CYBB: variants seen among roughly 807,000 people sequenced by gnomAD.
CYBB encodes cytochrome b-245 beta chain, also known as NADPH oxidase 2.
CYBB carries 5 observed loss-of-function variants against 46.5 expected under a neutral mutation model. The ratio of observed to expected loss-of-function variants is 0.11; its 90% CI spans 0.06 to 0.23. The LOEUF is 0.23. CYBB is among the 10% of genes least tolerant of loss of function. The probability of loss-of-function intolerance (pLI) is 1.00; values close to 1 mark genes in which losing one functional copy is unlikely to be tolerated. For missense variants in CYBB, 307 were observed against 428.3 expected (o/e 0.72, Z 2.50); for synonymous variants, 183 against 156.7 (o/e 1.17, Z -1.26).
At chrX:37,803,032 C>T (rs903139829) in intron 8 of CYBB, among the ~76,000 whole-genome samples, 16 of 111,635 alleles carry the variant, frequency 1.4e-4, no homozygotes, top group South Asian at 3.7e-4. Context: ...CTGTTATAAA[C>T]GTGTGTACGT....
intron 3 of CYBB, among the ~76,000 whole-genome samples, chrX:37,789,008 C>T (rs1218774669): frequency 9.0e-6 from 1 of 111,302 alleles, no homozygotes; most frequent in Non-Finnish European, 1.9e-5. Flanking sequence ...AAACCCTCTT[C>T]CAAGCTCATT....
rs782610130 is a variant in CYBB, at chrX:37,801,268, A to G, written c.817A>G (p.Ile273Val). 5.0e-6 allele frequency: 6 copies of G among 1,202,485 alleles called. No homozygotes were observed. The Admixed American group carries it at 1.3e-4, about 26-fold the overall frequency. ...AGNPPMTWKW[I>V]VGPMFLYLCE... ...GCTCTGATTACAGACTTGGAAATGGATAGTGGGTCCCATGTTTCTGTATCT... is the reference window on the plus strand; with the variant it reads ...GCTCTGATTACAGACTTGGAAATGGGTAGTGGGTCCCATGTTTCTGTATCT... Residue 273 changes from isoleucine to valine, a missense_variant, in exon 8 of 13, where the codon ATA becomes GTA. Coordinates refer to ENST00000378588, the MANE Select transcript of CYBB (RefSeq NM_000397.4).
rs190579297 is a variant in CYBB, at chrX:37,794,954, A to T, written c.484-997A>T. ...AATTAAACAGCATCATAAAAAACAG[A>T]TTTTTTCTACAATATATTGGGTAAT... On this transcript the variant is annotated intron_variant, in intron 5 of 12. Coordinates refer to ENST00000378588, the MANE Select transcript of CYBB (RefSeq NM_000397.4). 1.6e-3 allele frequency among the ~76,000 whole-genome samples: 175 copies of T among 111,647 alleles called. 1 individual carries two copies. Among genetic ancestry groups the T allele is most frequent in the African/African-American group, 5.3e-3 (164 of 30,749 alleles).
At position 37,806,606 on chromosome X, in the gene CYBB, G is replaced by A. The variant is rs1311731602; in HGVS notation, c.1461+73G>A. 10 of 968,998 alleles carry A rather than the reference G, an allele frequency of 1.0e-5. No homozygotes were observed. In the African/African-American group the frequency reaches 1.1e-4, roughly 11 times the overall value. 79.9% of individuals were successfully genotyped at this position (968,998 alleles called of 1,213,427 possible). ...CTTACGAACTTCCCCTTGGTTATTG[G>A]TGTGTCTTGTGTACTATTTTTTCTA... On this transcript the variant is annotated intron_variant, in intron 11 of 12. Coordinates refer to ENST00000378588, the MANE Select transcript of CYBB (RefSeq NM_000397.4).
intron 2 of CYBB, among the ~76,000 whole-genome samples, chrX:37,783,036 A>G (rs1437386054): frequency 2.7e-5 from 3 of 111,309 alleles, no homozygotes; most frequent in African/African-American, 3.3e-5. Context: ...AAAATCTTTA[A>G]AAGTCTTGAT....
chrX:37,796,137 G>A lies in CYBB; in HGVS notation c.670G>A (p.Ala224Thr), dbSNP rs1556468420. 8.3e-7 allele frequency: 1 copy of A among 1,202,711 alleles called. No individual in the cohort carries two copies. Among genetic ancestry groups the A allele is most frequent in the Admixed American group, 2.2e-5 (1 of 45,920 alleles). Reference sequence around the variant, plus strand: ...CTTCATTGGCCTTGCCATCCATGGAGCTGAGTGAGTGTTTAAATTCTGAAG... The same window carrying A: ...CTTCATTGGCCTTGCCATCCATGGAACTGAGTGAGTGTTTAAATTCTGAAG... ...IFFIGLAIHG[A>T]ERIVRGQTAE... Residue 224 changes from alanine to threonine, a missense_variant, in exon 6 of 13, where the codon GCT becomes ACT. Around this residue, in one of 3 missense-constraint regions of CYBB, gnomAD observed 82 missense variants for 69.9 expected, o/e 1.17. Transcript: ENST00000378588.
At chrX:37,805,371 AG>A (rs1251428031) in intron 10 of CYBB, among the ~76,000 whole-genome samples, 1 of 111,923 alleles carries the variant, frequency 8.9e-6, no homozygotes, top group East Asian at 2.8e-4. Flanking sequence ...CTATTAGTGA[AG>A]GGAATATATT....
rs950248707 is a variant in CYBB at position 37,801,394 on chromosome X, T to A, written c.897+46T>A. The stretch of plus-strand genomic sequence containing the variant: ...TACTAGTGGTCAGTGTCTAACTATA[T>A]CATGGACAAGTCTTCCCAACTCCTC... On this transcript the variant is annotated intron_variant, in intron 8 of 12. Coordinates refer to ENST00000378588, the MANE Select transcript of CYBB (RefSeq NM_000397.4). 14 of 886,569 alleles carry A rather than the reference T, an allele frequency of 1.6e-5. No individual in the cohort carries two copies. In the Middle Eastern group the frequency reaches 2.7e-3, roughly 172 times the overall value. 73.1% of individuals were successfully genotyped at this position (886,569 alleles called of 1,213,427 possible). A position where few individuals can be genotyped will look rare whatever the true frequency, so the allele number is the denominator to read the frequency against.
intron 3 of CYBB, among the ~76,000 whole-genome samples, chrX:37,787,442 T>G (rs1929095056): frequency 8.9e-6 from 1 of 112,093 alleles, no homozygotes; most frequent in African/African-American, 3.2e-5. Context: ...TCTTGAAATA[T>G]TTTTTTCTTA....
intron 1 of CYBB, among the ~76,000 whole-genome samples, chrX:37,781,227 C>T (rs1389496481): frequency 8.0e-5 from 9 of 112,288 alleles, no homozygotes; most frequent in Admixed American, 3.8e-4. Context: ...TTAGCTCTCG[C>T]CACAATTTTT....
At position 37,812,820 on chromosome X, in the gene CYBB, T is replaced by G. The variant is rs1373036883; in HGVS notation, c.*1903T>G. 8.9e-6 allele frequency: 1 copy of G among 112,223 alleles called. No homozygotes were observed. The highest frequency in any genetic ancestry group is 9.4e-5 in the Admixed American group (1 of 10,616). 9.2% of individuals were successfully genotyped at this position (112,223 alleles called of 1,213,427 possible). On this transcript the variant is annotated 3_prime_UTR_variant, in exon 13 of 13. Coordinates refer to ENST00000378588, the MANE Select transcript of CYBB (RefSeq NM_000397.4). ...TGCTTAGAGACACTTAGGTCCAGCC[T>G]GTTCACACTGCACCTCAGGTATCAA...
intron 11 of CYBB, among the ~76,000 whole-genome samples, chrX:37,808,157 G>A (rs1303768776): frequency 1.8e-5 from 2 of 111,829 alleles, no homozygotes; most frequent in South Asian, 7.6e-4. Context: ...TGGGTAGTTT[G>A]TAAAGAACAG....
At chrX:37,786,394 A>G (rs1382852128) in intron 3 of CYBB, among the ~76,000 whole-genome samples, 2 of 112,011 alleles carry the variant, frequency 1.8e-5, no homozygotes, top group Admixed American at 9.5e-5. Context: ...TGATCCTAGA[A>G]AGCCATTATA....
chrX:37,792,446 G>A (rs781789740), intron 4 of CYBB, among the ~76,000 whole-genome samples: 5 of 110,994 alleles, frequency 4.5e-5, no homozygotes, highest in African/African-American at 1.6e-4. Flanking sequence ...CAAACCTACA[G>A]GAGCCATAGC....
At chrX:37,783,879 T>C (rs1929006029) in intron 3 of CYBB, among the ~76,000 whole-genome samples, 1 of 111,323 alleles carries the variant, frequency 9.0e-6, no homozygotes, top group Non-Finnish European at 1.9e-5. Context: ...CACACACACA[T>C]ATATATATGA....
Position 37,811,329 on chromosome X carries a change from G to A in CYBB, c.*412G>A, listed in dbSNP as rs1408994596. The A allele has an allele frequency of 7.4e-6, 1 of 135,681 alleles. No individual in the cohort carries two copies. Among genetic ancestry groups the A allele is most frequent in the Admixed American group, 7.8e-5 (1 of 12,846 alleles). 11.2% of individuals were successfully genotyped at this position (135,681 alleles called of 1,213,427 possible). On this transcript the variant is annotated 3_prime_UTR_variant, in exon 13 of 13. Coordinates refer to ENST00000378588, the MANE Select transcript of CYBB (RefSeq NM_000397.4). ...AGCTGCCTCAGAATCCTCAAAATCA[G>A]TTTTTATATTCCCCAAAAGAAGAAG...
At chrX:37,783,925 CAT>C (rs1250083769) in intron 3 of CYBB, among the ~76,000 whole-genome samples, 2 of 111,430 alleles carry the variant, frequency 1.8e-5, no homozygotes, top group African/African-American at 3.3e-5. Context: ...AGGAAGTTGA[CAT>C]GTGATATCTG....
At chrX:37,791,378 G>A (rs782081402) in intron 3 of CYBB, among the ~76,000 whole-genome samples, 1 of 112,029 alleles carries the variant, frequency 8.9e-6, no homozygotes, top group Non-Finnish European at 1.9e-5. Flanking sequence ...GTCAATGCAT[G>A]TAAAACAGTT....
At chrX:37,801,635 TC>T in intron 8 of CYBB, among the ~76,000 whole-genome samples, 1 of 108,587 alleles carries the variant, frequency 9.2e-6, no homozygotes, top group African/African-American at 3.4e-5. Flanking sequence ...TGTGTTTGTG[TC>T]TGTGTGTCTG....
Sources: gnomAD v4.1 joint callset for allele counts (sites outside exome capture counted in the v4.1 genomes callset) on GRCh38, gnomAD v4.1.1 for gene constraint, gnomAD v4.1.1 regional missense constraint, MANE v1.5 for transcripts, NCBI Gene and HGNC (gene_info 2026-07-23, HGNC 2026-07-21) for gene names.